Variants in SLC35D1 observed in about 807,000 individuals in gnomAD.
The protein encoded by SLC35D1 is nucleotide sugar transporter SLC35D1.
Under a neutral mutation model 46.7 loss-of-function variants are expected in SLC35D1, and 31 were observed. The observed-to-expected ratio is 0.66, with a 90% CI of 0.50 to 0.90. The LOEUF (loss-of-function observed/expected upper bound fraction) is 0.90. Ranked by LOEUF, SLC35D1 falls within the 40% of genes least tolerant of loss-of-function variation. The pLI, the probability that SLC35D1 is intolerant of heterozygous loss-of-function variation, is 0.00. For synonymous variants in SLC35D1, 195 were observed against 164.6 expected (o/e 1.18, Z -1.41); for missense variants, 397 against 426.2 (o/e 0.93, Z 0.60).
chr1:67,044,333 A>G (rs147614986), intron 7 of SLC35D1, among the ~76,000 whole-genome samples: 8 of 134,636 alleles, frequency 5.9e-5, no homozygotes, highest in Non-Finnish European at 1.1e-4. Context: ...ACTCCATCTG[A>G]AAAAAAAAAA....
the SLC35D1 span, chr1:66,985,578 GA>G: frequency 1.0e-6 from 1 of 985,296 alleles, no homozygotes; most frequent in South Asian, 4.7e-5. Context: ...TGTAGCCTTT[GA>G]AAGATTTTTA....
chr1:66,988,305 C>A, the SLC35D1 span: 17 of 152,392 alleles, frequency 1.1e-4, no homozygotes, highest in African/African-American at 4.1e-4. Flanking sequence ...TCTACTGATA[C>A]AACTTTTTAC....
intron 10 of SLC35D1, among the ~76,000 whole-genome samples, chr1:67,011,501 G>A (rs1667565605): frequency 6.6e-6 from 1 of 151,792 alleles, no homozygotes; most frequent in South Asian, 2.1e-4. Flanking sequence ...TTCATTTTTT[G>A]CCACCAGGTC....
At chr1:67,051,950 T>C (rs1645313720) in intron 4 of SLC35D1, 62 bp downstream of exon 4, 9 of 1,153,332 alleles carry the variant, frequency 7.8e-6, no homozygotes, top group Admixed American at 1.7e-5. Context: ...ATATTTGACA[T>C]TCAAGTACAA....
At chr1:66,985,981 A>G in the SLC35D1 span, 5 of 986,900 alleles carry the variant, frequency 5.1e-6, no homozygotes, top group Non-Finnish European at 6.0e-6. Context: ...GTGCTTAAAT[A>G]TATCATGCTG....
chr1:66,974,667 A>AC, the SLC35D1 span, among the ~76,000 whole-genome samples: 4 of 152,256 alleles, frequency 2.6e-5, no homozygotes, highest in East Asian at 7.7e-4. Context: ...TCTCATAAAT[A>AC]TTTGGGACAG....
rs573983180 is a variant in SLC35D1 at position 67,054,053 on chromosome 1, G to C, written c.-40C>G. On this transcript the variant is annotated 5_prime_UTR_variant, in exon 1 of 12. Transcript: ENST00000235345. ...CGGTGGCCTGGCGGCGGGGCCTAGC[G>C]GCTCGGGGGCCTGCAGCGGCAGCTC... 2.5e-6 allele frequency: 4 copies of C among 1,597,342 alleles called. No individual in the cohort carries two copies. In the South Asian group the frequency reaches 4.4e-5, roughly 18 times the overall value.
At chr1:66,976,123 C>G in the SLC35D1 span, among the ~76,000 whole-genome samples, 2 of 152,052 alleles carry the variant, frequency 1.3e-5, no homozygotes, top group African/African-American at 4.8e-5. Context: ...CCTGCCTCAG[C>G]CTCCCGAGTA....
At chr1:67,020,517 C>A in intron 9 of SLC35D1, 70 bp from the exon 10 acceptor site, 2 of 1,131,544 alleles carry the variant, frequency 1.8e-6, no homozygotes, top group African/African-American at 1.5e-5. Flanking sequence ...GATAAACAAT[C>A]AGTGTTGGCC....
chr1:66,984,033 C>T, the SLC35D1 span, among the ~76,000 whole-genome samples: 1 of 152,168 alleles, frequency 6.6e-6, no homozygotes, highest in Non-Finnish European at 1.5e-5. Context: ...CTTGTGTGAT[C>T]TTTTAAAGTA....
At chr1:66,995,011 CTT>C (rs932114694), downstream of SLC35D1, among the ~76,000 whole-genome samples, 1 of 151,948 alleles carries the variant, frequency 6.6e-6, no homozygotes, top group African/African-American at 2.4e-5. Context: ...ACTCAAATCC[CTT>C]TTCTTTTCTA....
intron 10 of SLC35D1, among the ~76,000 whole-genome samples, chr1:67,015,824 T>C (rs1209116793): frequency 6.6e-6 from 1 of 152,228 alleles, no homozygotes; most frequent in Non-Finnish European, 1.5e-5. Context: ...ATGGTATCTT[T>C]ATTATGTCTT....
intron 8 of SLC35D1, among the ~76,000 whole-genome samples, chr1:67,039,523 G>GTGTGTGTGAA (rs1466690847): frequency 6.6e-6 from 1 of 151,022 alleles, no homozygotes. Context: ...GTGTGTGTGC[G>GTGTGTGTGAA]CGCGTGGGGG....
At chr1:67,023,418 TTGAG>T (rs1480822315) in intron 8 of SLC35D1, among the ~76,000 whole-genome samples, 1 of 152,192 alleles carries the variant, frequency 6.6e-6, no homozygotes, top group Non-Finnish European at 1.5e-5. Flanking sequence ...ACTATCAATA[TTGAG>T]TATCTTTTAA....
chr1:67,040,272 C>T (rs190897015), intron 8 of SLC35D1, among the ~76,000 whole-genome samples: 24 of 152,148 alleles, frequency 1.6e-4, no homozygotes, highest in Admixed American at 6.5e-5. Flanking sequence ...GGATTATAGG[C>T]GGGAGCCACT....
At chr1:67,011,097 A>G (rs1384656705) in intron 10 of SLC35D1, among the ~76,000 whole-genome samples, 2 of 151,958 alleles carry the variant, frequency 1.3e-5, no homozygotes, top group Non-Finnish European at 2.9e-5. Context: ...CCCTCCCATA[A>G]CCTATTTTGC....
intron 10 of SLC35D1, among the ~76,000 whole-genome samples, chr1:67,012,100 A>G (rs1238811653): frequency 1.3e-5 from 2 of 152,200 alleles, no homozygotes. Flanking sequence ...AAAAATGGCT[A>G]GAAACCCAAG....
chr1:66,976,423 T>C, the SLC35D1 span, among the ~76,000 whole-genome samples: 1 of 152,240 alleles, frequency 6.6e-6, no homozygotes, highest in Non-Finnish European at 1.5e-5. Context: ...TTTCTCTTAA[T>C]AGATGTTTAG....
intron 7 of SLC35D1, 44 bp from the exon 8 acceptor site, chr1:67,042,372 A>G (rs866627790): frequency 2.6e-6 from 4 of 1,531,376 alleles, no homozygotes; most frequent in Middle Eastern, 3.4e-4. Context: ...GTTTTGTTCT[A>G]GCAGATACAA....
Sources: allele counts gnomAD v4.1 joint callset (sites outside exome capture counted in the v4.1 genomes callset), GRCh38; gene constraint gnomAD v4.1.1; transcripts MANE v1.5; gene names NCBI Gene and HGNC (gene_info 2026-07-23, HGNC 2026-07-21).